The following SLC44A5 variants were observed in gnomAD, a reference collection of about 807,000 sequenced individuals.
SLC44A5 encodes solute carrier family 44 member 5.
Under a neutral mutation model 101.8 loss-of-function variants are expected in SLC44A5, and 57 were observed. The ratio of observed to expected loss-of-function variants is 0.56; its 90% CI spans 0.45 to 0.70. The LOEUF (loss-of-function observed/expected upper bound fraction) is 0.70. Ranked by LOEUF, SLC44A5 falls within the 30% of genes least tolerant of loss-of-function variation. The pLI is 0.00. For missense variants in SLC44A5, 737 were observed against 853.1 expected (o/e 0.86, Z 1.70); for synonymous variants, 281 against 290.9 (o/e 0.97, Z 0.35).
At chr1:75,610,792 C>T (rs1183076339) in intron 1 of SLC44A5, among the ~76,000 whole-genome samples, 1 of 151,950 alleles carries the variant, frequency 6.6e-6, no homozygotes, top group Non-Finnish European at 1.5e-5. Context: ...ATTGGGTCAC[C>T]TTACTTGGCC....
chr1:75,674,063 A>G, the SLC44A5 span, among the ~76,000 whole-genome samples: 1 of 152,160 alleles, frequency 6.6e-6, no homozygotes, highest in Non-Finnish European at 1.5e-5. Flanking sequence ...CAAACAAACT[A>G]AAGAAGACAC....
the SLC44A5 span, among the ~76,000 whole-genome samples, chr1:75,711,986 T>C: frequency 2.6e-5 from 4 of 152,364 alleles, no homozygotes; most frequent in African/African-American, 7.2e-5. Context: ...TTCTGGATTA[T>C]GCTCTATTCT....
intron 2 of SLC44A5, among the ~76,000 whole-genome samples, chr1:75,432,109 G>C (rs2101598852): frequency 6.6e-6 from 1 of 152,212 alleles, no homozygotes; most frequent in South Asian, 2.1e-4. Context: ...TCAAAGTTAA[G>C]TTATCTTGTC....
At chr1:75,651,127 T>C in the SLC44A5 span, among the ~76,000 whole-genome samples, 1 of 152,300 alleles carries the variant, frequency 6.6e-6, no homozygotes, top group South Asian at 2.1e-4. Flanking sequence ...ACCTTTTCCT[T>C]GGGAGCCAAA....
At position 75,242,740 on chromosome 1, in the gene SLC44A5, A is replaced by G. The variant is rs1000073981; in HGVS notation, c.471+146T>C. On this transcript the variant is annotated intron_variant, in intron 8 of 23. Coordinates refer to ENST00000370859, the MANE Select transcript of SLC44A5 (RefSeq NM_001130058.2). ...TAACTGGTGTGCATGCACACCCAGT[A>G]CACATGCATTTCTGTTTCAATGAAA... 22 of 937,294 alleles carry G rather than the reference A, an allele frequency of 2.3e-5. No homozygotes were observed. The South Asian group carries it at 4.1e-4, about 18-fold the overall frequency. 58.1% of individuals were successfully genotyped at this position (937,294 alleles called of 1,614,324 possible).
intron 1 of SLC44A5, among the ~76,000 whole-genome samples, chr1:75,544,871 AT>A (rs376768446): frequency 2.6e-5 from 4 of 151,476 alleles, no homozygotes; most frequent in East Asian, 1.9e-4. Context: ...GTACCAAGGG[AT>A]TTTTTTTTAT....
the SLC44A5 span, among the ~76,000 whole-genome samples, chr1:75,624,912 A>G: frequency 6.6e-6 from 1 of 152,070 alleles, no homozygotes; most frequent in Non-Finnish European, 1.5e-5. Flanking sequence ...GGGTCACTAA[A>G]GAACCCTAGA....
intron 2 of SLC44A5, among the ~76,000 whole-genome samples, chr1:75,417,841 A>T (rs1253611948): frequency 1.3e-5 from 2 of 152,262 alleles, no homozygotes; most frequent in Non-Finnish European, 2.9e-5. Context: ...AAGGTTATGA[A>T]CCAACAAAGG....
At chr1:75,537,208 T>A (rs1014186281) in intron 2 of SLC44A5, among the ~76,000 whole-genome samples, 1 of 151,930 alleles carries the variant, frequency 6.6e-6, no homozygotes, top group Non-Finnish European at 1.5e-5. Flanking sequence ...AATCATCTAG[T>A]TGAACAATTC....
At chr1:75,467,652 C>T (rs1219378646) in intron 2 of SLC44A5, among the ~76,000 whole-genome samples, 1 of 152,114 alleles carries the variant, frequency 6.6e-6, no homozygotes, top group East Asian at 1.9e-4. Flanking sequence ...AAAGTAGATG[C>T]CTATCTCTCG....
intron 6 of SLC44A5, among the ~76,000 whole-genome samples, chr1:75,270,829 CTT>C (rs996296647): frequency 1.3e-5 from 2 of 152,102 alleles, no homozygotes; most frequent in African/African-American, 4.8e-5. Flanking sequence ...CGAAGCCTAT[CTT>C]TGAAAGATCA....
intron 2 of SLC44A5, among the ~76,000 whole-genome samples, chr1:75,522,595 G>C (rs1670193426): frequency 6.6e-6 from 1 of 152,000 alleles, no homozygotes; most frequent in Admixed American, 6.5e-5. Flanking sequence ...TGTGAAAGTT[G>C]CTCTTCCCAG....
chr1:75,403,652 A>T (rs1191020260), intron 2 of SLC44A5, among the ~76,000 whole-genome samples: 1 of 152,110 alleles, frequency 6.6e-6, no homozygotes, highest in African/African-American at 2.4e-5. Flanking sequence ...AATAGCATTA[A>T]CATCAACAAA....
At chr1:75,234,166 CA>C in intron 11 of SLC44A5, 68 bp from the exon 12 acceptor site, 1 of 1,088,840 alleles carries the variant, frequency 9.2e-7, no homozygotes, top group South Asian at 1.4e-5. Flanking sequence ...AACATCAAGA[CA>C]AAACTTTTTT....
upstream of SLC44A5, among the ~76,000 whole-genome samples, chr1:75,614,259 T>G (rs910082404): frequency 2.0e-5 from 3 of 152,216 alleles, no homozygotes; most frequent in African/African-American, 7.2e-5. Flanking sequence ...CTCTTCTTTC[T>G]TTACTCGTGT....
At chr1:75,357,059 T>C in intron 3 of SLC44A5, 1 of 395,126 alleles carries the variant, frequency 2.5e-6, no homozygotes, top group South Asian at 1.8e-5. Context: ...ATCGTTGCAT[T>C]TCCTATCTTT....
intron 23 of SLC44A5, among the ~76,000 whole-genome samples, chr1:75,208,808 T>A (rs1300114022): frequency 2.6e-5 from 4 of 152,152 alleles, no homozygotes; most frequent in Admixed American, 2.6e-4. Flanking sequence ...ACAACTATTA[T>A]TTTTTTCCCA....
chr1:75,388,165 A>G (rs1244995119), intron 3 of SLC44A5, among the ~76,000 whole-genome samples: 1 of 148,150 alleles, frequency 6.7e-6, no homozygotes, highest in East Asian at 2.0e-4. Flanking sequence ...TACATATGTA[A>G]CTAACCTGCA....
At chr1:75,475,580 T>G (rs1044763127) in intron 2 of SLC44A5, among the ~76,000 whole-genome samples, 4 of 152,230 alleles carry the variant, frequency 2.6e-5, no homozygotes, top group African/African-American at 4.8e-5. Flanking sequence ...ACCAGCTTAC[T>G]TTCATTCCCA....
Sources: allele counts gnomAD v4.1 joint callset (sites outside exome capture counted in the v4.1 genomes callset), GRCh38; gene constraint gnomAD v4.1.1; transcripts MANE v1.5; gene names NCBI Gene and HGNC (gene_info 2026-07-23, HGNC 2026-07-21).